The following UBXN7 variants were observed in gnomAD, a reference collection of about 807,000 sequenced individuals.
UBXN7 encodes UBX domain protein 7.
Under a neutral mutation model 58.0 loss-of-function variants are expected in UBXN7, and 9 were observed. That is an observed-to-expected ratio of 0.16 (90% CI 0.09 to 0.27). UBXN7 has a LOEUF of 0.27. UBXN7 is among the 10% of genes least tolerant of loss of function. The pLI is 1.00. For synonymous variants in UBXN7, 208 were observed against 205.0 expected, an observed-to-expected ratio of 1.01 and a Z score of -0.12; for missense variants, 328 against 599.6, an observed-to-expected ratio of 0.55 and a Z score of 4.73.
chr3:196,389,199 T>C (rs1729504400), intron 5 of UBXN7, among the ~76,000 whole-genome samples: 1 of 152,126 alleles, frequency 6.6e-6, no homozygotes, highest in East Asian at 1.9e-4. Flanking sequence ...TGCTATTCTC[T>C]CTCTCAATGG....
At chr3:196,426,623 A>G (rs2108627654) in intron 1 of UBXN7, among the ~76,000 whole-genome samples, 1 of 152,028 alleles carries the variant, frequency 6.6e-6, no homozygotes, top group Non-Finnish European at 1.5e-5. Flanking sequence ...TCGAAGCAGG[A>G]GGATCACCTG....
chr3:196,432,204 G>T, intron 1 of UBXN7, 123 bp downstream of exon 1: 2 of 1,372,124 alleles, frequency 1.5e-6, no homozygotes, highest in Non-Finnish European at 2.0e-6. Flanking sequence ...TTCCTCAGGA[G>T]GGAGGACGGC....
chr3:196,429,733 T>C (rs557375374), intron 1 of UBXN7, among the ~76,000 whole-genome samples: 114 of 152,352 alleles, frequency 7.5e-4, no homozygotes, highest in Non-Finnish European at 1.2e-3. Flanking sequence ...CATGTGTTTC[T>C]AACGGTTAAT....
chr3:196,369,662 G>C, intron 6 of UBXN7, 151 bp from the exon 7 acceptor site: 2 of 589,304 alleles, frequency 3.4e-6, no homozygotes, highest in Non-Finnish European at 5.9e-6. Flanking sequence ...AAATAAATCT[G>C]GTTTGAACTC....
intron 4 of UBXN7, among the ~76,000 whole-genome samples, chr3:196,393,311 ATTAAGT>A (rs1729642100): frequency 6.6e-6 from 1 of 152,226 alleles, no homozygotes; most frequent in Non-Finnish European, 1.5e-5. Context: ...TCACAAGCGA[ATTAAGT>A]TTATCAATTA....
At chr3:196,415,624 A>G (rs1258850508) in intron 1 of UBXN7, among the ~76,000 whole-genome samples, 4 of 151,490 alleles carry the variant, frequency 2.6e-5, no homozygotes, top group Non-Finnish European at 5.9e-5. Context: ...AAAATAAAAA[A>G]TAAAAAAATT....
At chr3:196,367,970 A>AAGAT in intron 8 of UBXN7, 58 bp downstream of exon 8, 1 of 1,577,534 alleles carries the variant, frequency 6.3e-7, no homozygotes, top group South Asian at 1.2e-5. Flanking sequence ...CATTTTATAT[A>AAGAT]AGATGCTTAT....
rs1310251058 is a variant in UBXN7 at position 196,407,281 on chromosome 3, A to G, written c.186T>C (p.Ser62=). 6.2e-7 allele frequency: 1 copy of G among 1,614,188 alleles called. No homozygotes were observed. Among genetic ancestry groups the G allele is most frequent in the South Asian group, 1.1e-5 (1 of 91,080 alleles). Residue 62 remains serine (S), a synonymous_variant, in exon 2 of 11, where the codon AGT becomes AGC. Coordinates refer to ENST00000296328, the MANE Select transcript of UBXN7 (RefSeq NM_015562.2). ...GTCTGACAGTAGAGACACTTGCTGA[A>G]CTGGTACTGGGCTCTTCAGCGATTC... ...GGGIAEEPST[S]SASVSTVRPH...
At chr3:196,381,833 C>T (rs776948072) in intron 5 of UBXN7, among the ~76,000 whole-genome samples, 2 of 152,164 alleles carry the variant, frequency 1.3e-5, no homozygotes, top group African/African-American at 2.4e-5. Context: ...ACGAGAACTT[C>T]GTGACGCTTG....
At chr3:196,416,885 G>A (rs1408871491) in intron 1 of UBXN7, among the ~76,000 whole-genome samples, 1 of 152,182 alleles carries the variant, frequency 6.6e-6, no homozygotes. Context: ...TTTAGAAGAA[G>A]AGGGATGTAA....
At chr3:196,405,460 ACTCCGT>A (rs1234555820) in intron 2 of UBXN7, among the ~76,000 whole-genome samples, 11 of 136,452 alleles carry the variant, frequency 8.1e-5, no homozygotes, top group South Asian at 2.5e-4. Flanking sequence ...ACACAGAGAG[ACTCCGT>A]CTCAAAAAAA....
rs1560215483 is a variant in UBXN7 at position 196,355,159 on chromosome 3, G to A, written c.*1526C>T. 1 of 151,958 alleles carries A rather than the reference G, an allele frequency of 6.6e-6. No homozygotes were observed. The allele number at this position is 151,958 out of a possible 1,614,324, so 9.4% of individuals were successfully genotyped here. A position where few individuals can be genotyped will look rare whatever the true frequency, so the allele number is the denominator to read the frequency against. On this transcript the variant is annotated 3_prime_UTR_variant, in exon 11 of 11. Transcript: ENST00000296328. The stretch of plus-strand genomic sequence containing the variant: ...CTAAAGGTCTCTACGCAACATCTGA[G>A]GAACATACGCTCCTCAGATAAAAGA...
At chr3:196,393,518 A>C in intron 4 of UBXN7, 36 bp downstream of exon 4, 5 of 1,582,432 alleles carry the variant, frequency 3.2e-6, no homozygotes, top group Non-Finnish European at 4.3e-6. Flanking sequence ...ATAGGAAGAG[A>C]AGAGGGAGAT....
intron 1 of UBXN7, among the ~76,000 whole-genome samples, chr3:196,417,193 G>C (rs1016693528): frequency 6.6e-6 from 1 of 152,036 alleles, no homozygotes; most frequent in Non-Finnish European, 1.5e-5. Context: ...GGCGCTTGTA[G>C]TCCCAGCTGC....
At chr3:196,377,488 C>T (rs916407248) in intron 5 of UBXN7, among the ~76,000 whole-genome samples, 1 of 152,120 alleles carries the variant, frequency 6.6e-6, no homozygotes, top group African/African-American at 2.4e-5. Flanking sequence ...GTGGAACCTA[C>T]GAAATCAATC....
intron 1 of UBXN7, among the ~76,000 whole-genome samples, chr3:196,426,063 C>T (rs977610913): frequency 1.3e-5 from 2 of 151,938 alleles, no homozygotes; most frequent in Non-Finnish European, 2.9e-5. Flanking sequence ...AGATTCCATT[C>T]GCAACTCAAA....
chr3:196,412,931 T>G (rs562694621), intron 1 of UBXN7, among the ~76,000 whole-genome samples: 1 of 151,858 alleles, frequency 6.6e-6, no homozygotes. Context: ...GAACAGGGAG[T>G]TCTTGTTTAA....
At chr3:196,418,296 A>AGCAATGAC (rs1553854519) in intron 1 of UBXN7, among the ~76,000 whole-genome samples, 1 of 94,908 alleles carries the variant, frequency 1.1e-5, no homozygotes, top group Non-Finnish European at 2.3e-5. Flanking sequence ...GAGAGAAGGA[A>AGCAATGAC]GGAATGACGG....
chr3:196,359,945 C>G (rs2108826240), intron 10 of UBXN7, among the ~76,000 whole-genome samples: 1 of 151,932 alleles, frequency 6.6e-6, no homozygotes, highest in South Asian at 2.1e-4. Context: ...AGCCTTACTG[C>G]TGTGCTGCTG....
Sources: allele counts gnomAD v4.1 joint callset (sites outside exome capture counted in the v4.1 genomes callset), GRCh38; gene constraint gnomAD v4.1.1; transcripts MANE v1.5; gene names NCBI Gene and HGNC (gene_info 2026-07-23, HGNC 2026-07-21).